RBPJ: variants seen among roughly 807,000 people sequenced by gnomAD.
RBPJ encodes recombination signal binding protein for immunoglobulin kappa J region, also known as recombining binding protein suppressor of hairless.
A neutral mutation model predicts 67.8 loss-of-function variants in RBPJ; 9 were observed. The observed-to-expected ratio is 0.13, with a 90% CI of 0.08 to 0.23. RBPJ has a LOEUF of 0.23. Among genes scored for constraint, RBPJ ranks in the 10% least tolerant of loss-of-function variants. The probability of loss-of-function intolerance (pLI) is 1.00; values close to 1 mark genes in which losing one functional copy is unlikely to be tolerated. For synonymous variants in RBPJ, 198 were observed against 203.3 expected, an observed-to-expected ratio of 0.97 and a Z score of 0.22; for missense variants, 305 against 595.6, an observed-to-expected ratio of 0.51 and a Z score of 5.08.
At chr4:26,427,211 G>A (rs752355194) in intron 7 of RBPJ, among the ~76,000 whole-genome samples, 4 of 152,162 alleles carry the variant, frequency 2.6e-5, no homozygotes, top group Non-Finnish European at 5.9e-5. Context: ...ATGGTTGGGT[G>A]TGAGAGAAAG....
At chr4:26,106,335 C>T in the RBPJ span, among the ~76,000 whole-genome samples, 1 of 152,192 alleles carries the variant, frequency 6.6e-6, no homozygotes, top group Non-Finnish European at 1.5e-5. Flanking sequence ...AGATGAATGC[C>T]TCACTTCTGC....
At chr4:26,151,045 A>T in the RBPJ span, among the ~76,000 whole-genome samples, 1 of 152,338 alleles carries the variant, frequency 6.6e-6, no homozygotes, top group South Asian at 2.1e-4. Context: ...AGGCTCTAAA[A>T]ATACTTTTTG....
intron 1 of RBPJ, among the ~76,000 whole-genome samples, chr4:26,195,898 G>T (rs560843903): frequency 6.6e-6 from 1 of 152,250 alleles, no homozygotes; most frequent in Non-Finnish European, 1.5e-5. Context: ...CTGGCCGTGT[G>T]TTTTGTATTT....
chr4:26,148,857 G>A, the RBPJ span, among the ~76,000 whole-genome samples: 5 of 152,228 alleles, frequency 3.3e-5, no homozygotes, highest in Non-Finnish European at 7.3e-5. Context: ...CCAGAGAACA[G>A]GATGCTCTGA....
At chr4:26,377,633 C>T (rs1357572742) in intron 1 of RBPJ, among the ~76,000 whole-genome samples, 3 of 152,096 alleles carry the variant, frequency 2.0e-5, no homozygotes, top group African/African-American at 7.2e-5. Flanking sequence ...TGTGGAAAAC[C>T]CTTAGGTTTG....
chr4:26,178,607 CA>C (rs1173498137), intron 1 of RBPJ, among the ~76,000 whole-genome samples: 183 of 58,732 alleles, frequency 3.1e-3, no homozygotes, highest in Middle Eastern at 0.011. Flanking sequence ...GACCCCGTAT[CA>C]AAAAAAAAAA....
At chr4:26,318,996 CAAAAAAA>C (rs201084739), upstream of RBPJ, among the ~76,000 whole-genome samples, 1,413 of 83,986 alleles carry the variant, frequency 0.017, 36 homozygotes, top group African/African-American at 0.044. Flanking sequence ...GACTCCGTCT[CAAAAAAA>C]AAAAAAAAAA....
At chr4:26,131,593 C>G in the RBPJ span, among the ~76,000 whole-genome samples, 5 of 152,150 alleles carry the variant, frequency 3.3e-5, no homozygotes, top group Non-Finnish European at 7.3e-5. Context: ...CAAAAAGTGT[C>G]TTTGCAGATA....
intron 2 of RBPJ, among the ~76,000 whole-genome samples, chr4:26,398,502 A>T (rs1732397166): frequency 6.6e-6 from 1 of 152,196 alleles, no homozygotes; most frequent in African/African-American, 2.4e-5. Context: ...TGCCTCCAGG[A>T]ATTTACTTTG....
chr4:26,222,076 C>T (rs1000919364), intron 1 of RBPJ, among the ~76,000 whole-genome samples: 2 of 152,182 alleles, frequency 1.3e-5, no homozygotes, highest in Non-Finnish European at 2.9e-5. Context: ...TGATCTGCAA[C>T]CTTGTTTTGA....
chr4:26,395,783 A>G (rs1280428024), intron 2 of RBPJ, among the ~76,000 whole-genome samples: 1 of 152,238 alleles, frequency 6.6e-6, no homozygotes, highest in Non-Finnish European at 1.5e-5. Context: ...TAAGACGATT[A>G]TATGTTCATA....
intron 1 of RBPJ, among the ~76,000 whole-genome samples, chr4:26,197,332 G>A (rs189778581): frequency 6.6e-6 from 1 of 152,274 alleles, no homozygotes; most frequent in Non-Finnish European, 1.5e-5. Context: ...TAATAACACA[G>A]GCTGGACCTC....
chr4:26,177,895 G>A (rs888504006), intron 1 of RBPJ, among the ~76,000 whole-genome samples: 10 of 152,150 alleles, frequency 6.6e-5, no homozygotes, highest in South Asian at 2.1e-4. Flanking sequence ...CATTGGCCTC[G>A]TACGTCATAT....
chr4:26,252,640 A>C (rs1720152728), intron 1 of RBPJ, among the ~76,000 whole-genome samples: 1 of 152,146 alleles, frequency 6.6e-6, no homozygotes, highest in Non-Finnish European at 1.5e-5. Context: ...TTAAATCAAT[A>C]ATAAATCTTA....
At chr4:26,294,862 C>T (rs1234158222) in intron 1 of RBPJ, among the ~76,000 whole-genome samples, 1 of 147,520 alleles carries the variant, frequency 6.8e-6, no homozygotes, top group Non-Finnish European at 1.5e-5. Flanking sequence ...GGAGACACAG[C>T]AAGACTCCGT....
intron 1 of RBPJ, among the ~76,000 whole-genome samples, chr4:26,255,850 G>A (rs1386501097): frequency 6.6e-6 from 1 of 151,290 alleles, no homozygotes; most frequent in Non-Finnish European, 1.5e-5. Context: ...CTAAGTTCTA[G>A]TCCTGGCTTG....
intron 1 of RBPJ, among the ~76,000 whole-genome samples, chr4:26,337,586 A>G (rs1246296498): frequency 1.3e-5 from 2 of 151,354 alleles, no homozygotes; most frequent in East Asian, 1.9e-4. Context: ...AAGGTAACCA[A>G]TATCTTGATA....
intron 2 of RBPJ, among the ~76,000 whole-genome samples, chr4:26,396,557 G>A (rs1732140518): frequency 6.6e-6 from 1 of 152,228 alleles, no homozygotes; most frequent in South Asian, 2.1e-4. Flanking sequence ...GCCTTAAGTA[G>A]CAAAATGGCT....
chr4:26,189,383 C>T (rs4692425), intron 1 of RBPJ, among the ~76,000 whole-genome samples: 85,579 of 152,042 alleles, frequency 0.56, 24,285 homozygotes, highest in East Asian at 0.7. Context: ...TTTGACTGGG[C>T]ACAGTGGCTC....
Sources: gnomAD v4.1 joint callset for allele counts (sites outside exome capture counted in the v4.1 genomes callset) on GRCh38, gnomAD v4.1.1 for gene constraint, MANE v1.5 for transcripts, NCBI Gene and HGNC (gene_info 2026-07-23, HGNC 2026-07-21) for gene names.